Variants in GALK2 observed in about 807,000 individuals in gnomAD.
GALK2 encodes the protein N-acetylgalactosamine kinase.
In GALK2, 36 loss-of-function variants were observed where a neutral mutation model predicts 52.4. The ratio of observed to expected loss-of-function variants is 0.69; its 90% CI spans 0.53 to 0.91. The LOEUF (loss-of-function observed/expected upper bound fraction) is 0.91. GALK2 is among the 40% of genes least tolerant of loss of function. The probability of loss-of-function intolerance (pLI) is 0.00; values close to 1 mark genes in which losing one functional copy is unlikely to be tolerated. For missense variants in GALK2, 579 were observed against 559.1 expected (o/e 1.04, Z -0.36); for synonymous variants, 176 against 199.1 (o/e 0.88, Z 0.98).
chr15:49,308,774 A>G (rs2035751815), intron 8 of GALK2, among the ~76,000 whole-genome samples: 1 of 152,204 alleles, frequency 6.6e-6, no homozygotes, highest in Non-Finnish European at 1.5e-5. Flanking sequence ...GGAAGAATAA[A>G]CAGGTGAAGG....
Position 49,229,463 on chromosome 15 carries a change from G to A in GALK2, c.267-6388G>A, listed in dbSNP as rs116337723. 5.7e-3 allele frequency among the ~76,000 whole-genome samples: 862 copies of A among 152,266 alleles called. 6 individuals are homozygous for A. The highest frequency in any genetic ancestry group is 0.02 in the African/African-American group (817 of 41,540). On this transcript the variant is annotated intron_variant, in intron 3 of 9. Transcript: ENST00000560031. ...ATTAGGCTGGGTGAGTTGGTCCCCT[G>A]TGCCACAGGTGTTGCATGCAGGTGG...
chr15:49,200,229 C>G (rs1022932395), intron 1 of GALK2, among the ~76,000 whole-genome samples: 2 of 152,080 alleles, frequency 1.3e-5, no homozygotes, highest in Non-Finnish European at 2.9e-5. Context: ...AGTTCAAATT[C>G]TCAAATTTTA....
intron 1 of GALK2, among the ~76,000 whole-genome samples, chr15:49,162,474 A>G (rs2084686231): frequency 6.6e-6 from 1 of 152,188 alleles, no homozygotes; most frequent in African/African-American, 2.4e-5. Flanking sequence ...TTGTGTGGAC[A>G]TATGTTTTGT....
intron 3 of GALK2, among the ~76,000 whole-genome samples, chr15:49,358,642 C>T (rs1398519351): frequency 9.4e-5 from 14 of 149,402 alleles, no homozygotes; most frequent in African/African-American, 2.0e-4. Flanking sequence ...GAATCAATAT[C>T]GTGAAAATGG....
At chr15:49,337,013 G>T (rs1765452344) in intron 3 of GALK2, among the ~76,000 whole-genome samples, 1 of 152,124 alleles carries the variant, frequency 6.6e-6, no homozygotes, top group African/African-American at 2.4e-5. Flanking sequence ...TGCTGCAAAG[G>T]ACATGAGTTT....
At chr15:49,264,930 G>T (rs889255745) in intron 5 of GALK2, among the ~76,000 whole-genome samples, 7 of 152,190 alleles carry the variant, frequency 4.6e-5, no homozygotes, top group Non-Finnish European at 7.3e-5. Flanking sequence ...TCGTTCCTCT[G>T]GTAGTTTTGT....
At chr15:49,267,494 G>T (rs1476641574) in intron 5 of GALK2, among the ~76,000 whole-genome samples, 1 of 152,190 alleles carries the variant, frequency 6.6e-6, no homozygotes, top group African/African-American at 2.4e-5. Context: ...TCTGTCTCCA[G>T]AGTCTCAGTC....
chr15:49,322,977 G>A lies in GALK2; in HGVS notation c.1169+3172G>A, dbSNP rs72727265. Reference sequence around the variant, plus strand: ...ATCTCAGGTAAAAAAAAAAAAAAAAGAAAAAAAAAAAAAGATGTCTGGAAA... The same window carrying A: ...ATCTCAGGTAAAAAAAAAAAAAAAAAAAAAAAAAAAAAAGATGTCTGGAAA... On this transcript the variant is annotated intron_variant, in intron 9 of 9. Coordinates refer to ENST00000560031, the MANE Select transcript of GALK2 (RefSeq NM_002044.4). 7.9e-3 allele frequency among the ~76,000 whole-genome samples: 969 copies of A among 122,432 alleles called. 1 individual carries two copies. Among genetic ancestry groups the A allele is most frequent in the Middle Eastern group, 0.031 (8 of 256 alleles). The allele number at this position is 122,432 out of a possible 152,430, so 80.3% of individuals were successfully genotyped here. A position where few individuals can be genotyped will look rare whatever the true frequency, so the allele number is the denominator to read the frequency against.
chr15:49,339,317 A>G lies in GALK2; in HGVS notation c.426+19512A>G, dbSNP rs753856504. Among the ~76,000 whole-genome samples the G allele has an allele frequency of 3.8e-4, 58 of 152,048 alleles. 1 individual carries two copies. The highest frequency in any genetic ancestry group is 1.5e-3 in the South Asian group (7 of 4,820). Reference sequence around the variant, plus strand: ...TGGTGACCTTTGGATGGGGTCTCTGAGTGGACATCCTTTTTGTTGATGTTG... The same window carrying G: ...TGGTGACCTTTGGATGGGGTCTCTGGGTGGACATCCTTTTTGTTGATGTTG... On this transcript the variant is annotated intron_variant, in intron 3 of 3. Transcript: ENST00000558399.
intron 3 of GALK2, among the ~76,000 whole-genome samples, chr15:49,337,667 C>T (rs2039999505): frequency 6.6e-6 from 1 of 151,772 alleles, no homozygotes; most frequent in African/African-American, 2.4e-5. Flanking sequence ...TAATGCTATC[C>T]CTCCCACAGC....
In GALK2 at chr15:49,184,223, CCTT is replaced by C. The variant is rs1418352076; in HGVS notation, c.53+13852_53+13854del. On this transcript the variant is annotated intron_variant, in intron 1 of 9. Coordinates refer to ENST00000560031, the MANE Select transcript of GALK2 (RefSeq NM_002044.4). ...GACCCCTTTTATCATTATATAATGACCTTCTTTTTCTCTTCTTATAGTTTTTTT... is the reference window on the plus strand; with the variant it reads ...GACCCCTTTTATCATTATATAATGACCTTTTTCTCTTCTTATAGTTTTTTT... Among the ~76,000 whole-genome samples the C allele has an allele frequency of 2.0e-5, 3 of 151,898 alleles. No homozygotes were observed. In the East Asian group the frequency reaches 5.8e-4, roughly 29 times the overall value.
intron 5 of GALK2, among the ~76,000 whole-genome samples, chr15:49,275,229 T>C (rs190631301): frequency 6.6e-6 from 1 of 152,224 alleles, no homozygotes; most frequent in Non-Finnish European, 1.5e-5. Context: ...TTTACTCTTA[T>C]GAGACCACTC....
intron 5 of GALK2, among the ~76,000 whole-genome samples, chr15:49,267,345 A>G (rs985040967): frequency 1.3e-4 from 20 of 152,350 alleles, no homozygotes; most frequent in African/African-American, 3.8e-4. Flanking sequence ...GAGGAACCTT[A>G]TCAGATATCA....
intron 9 of GALK2, among the ~76,000 whole-genome samples, chr15:49,320,612 G>A (rs186055518): frequency 1.3e-5 from 2 of 152,300 alleles, no homozygotes; most frequent in East Asian, 3.9e-4. Flanking sequence ...GGCACTTGTG[G>A]CTTGCCTCAG....
intron 2 of GALK2, among the ~76,000 whole-genome samples, chr15:49,214,106 C>A (rs368970633): frequency 1.3e-5 from 2 of 151,954 alleles, no homozygotes; most frequent in Admixed American, 1.3e-4. Context: ...GGCGACCGAG[C>A]AAGAGTCTGT....
At chr15:49,294,072 G>C (rs1255099270) in intron 8 of GALK2, among the ~76,000 whole-genome samples, 1 of 145,908 alleles carries the variant, frequency 6.9e-6, no homozygotes, top group African/African-American at 2.5e-5. Flanking sequence ...TGCACTCCAG[G>C]GGGAGACCCT....
At chr15:49,195,533 A>G (rs1048339655) in intron 1 of GALK2, among the ~76,000 whole-genome samples, 7 of 152,128 alleles carry the variant, frequency 4.6e-5, no homozygotes, top group African/African-American at 1.7e-4. Flanking sequence ...TTGTTTTCGC[A>G]TATGAAGTCT....
chr15:49,304,959 C>G (rs2035424989), intron 8 of GALK2, among the ~76,000 whole-genome samples: 1 of 152,082 alleles, frequency 6.6e-6, no homozygotes, highest in African/African-American at 2.4e-5. Flanking sequence ...CACTTTCTTC[C>G]CTGTCTTGCA....
At chr15:49,290,665 G>A (rs1218731889) in intron 7 of GALK2, among the ~76,000 whole-genome samples, 1 of 152,224 alleles carries the variant, frequency 6.6e-6, no homozygotes, top group Non-Finnish European at 1.5e-5. Flanking sequence ...AGAGCCCACT[G>A]TCATCTCTTG....
Sources: allele counts gnomAD v4.1 joint callset (sites outside exome capture counted in the v4.1 genomes callset), GRCh38; gene constraint gnomAD v4.1.1; transcripts MANE v1.5; gene names NCBI Gene and HGNC (gene_info 2026-07-23, HGNC 2026-07-21).